KIF13B: variants seen among roughly 807,000 people sequenced by gnomAD.
KIF13B encodes kinesin-like protein KIF13B.
In KIF13B, 127 loss-of-function variants were observed where a neutral mutation model predicts 222.0. That is an observed-to-expected ratio of 0.57 (90% CI 0.50 to 0.66). The LOEUF is 0.66. Ranked by LOEUF, KIF13B falls within the 30% of genes least tolerant of loss-of-function variation. KIF13B has a pLI of 0.00. For synonymous variants in KIF13B, 976 were observed against 919.0 expected, an observed-to-expected ratio of 1.06 and a Z score of -1.12; for missense variants, 2,173 against 2,379.0, an observed-to-expected ratio of 0.91 and a Z score of 1.80.
Position 29,070,430 on chromosome 8 carries a change from C to A in KIF13B, c.*74G>T, listed in dbSNP as rs993017454. 3.0e-5 allele frequency: 47 copies of A among 1,544,416 alleles called. No individual in the cohort carries two copies. The highest frequency in any genetic ancestry group is 7.6e-5 in the Admixed American group (4 of 52,560). Reference sequence around the variant, plus strand: ...GGGGAAGGGGCCACCGGGCTCCTGGCTCCTCAGGGCTGTCACTGGCAGGGC... The same window carrying A: ...GGGGAAGGGGCCACCGGGCTCCTGGATCCTCAGGGCTGTCACTGGCAGGGC... On this transcript the variant is annotated 3_prime_UTR_variant, in exon 40 of 40. Transcript: ENST00000524189. This position sits in a 1 kb window ranked among gnomAD's most constrained non-coding sequence, Gnocchi z 4.1.
intron 37 of KIF13B, among the ~76,000 whole-genome samples, chr8:29,076,227 GCCCCTC>G (rs1322720855): frequency 3.9e-5 from 6 of 152,256 alleles, no homozygotes; most frequent in Admixed American, 2.0e-4. Flanking sequence ...TGCCACTTCT[GCCCCTC>G]CCCCTCCCCC....
intron 37 of KIF13B, among the ~76,000 whole-genome samples, chr8:29,085,073 C>T (rs115994582): frequency 0.033 from 5,077 of 152,304 alleles, 303 homozygotes; most frequent in African/African-American, 0.12. Flanking sequence ...TGTTTTTAAA[C>T]TTTCTGAATA....
chr8:29,154,606 G>A (rs1157365678), intron 14 of KIF13B, among the ~76,000 whole-genome samples: 2 of 152,198 alleles, frequency 1.3e-5, no homozygotes, highest in African/African-American at 4.8e-5. Context: ...TGCAACTGGT[G>A]AAGAAGTAGC....
chr8:29,231,158 G>A (rs899021447), intron 2 of KIF13B, among the ~76,000 whole-genome samples: 2 of 152,172 alleles, frequency 1.3e-5, no homozygotes, highest in African/African-American at 4.8e-5. Flanking sequence ...GGGACTGCAG[G>A]CATGAACCAC....
At chr8:29,103,961 G>A (rs751889413) in intron 35 of KIF13B, among the ~76,000 whole-genome samples, 74 of 152,066 alleles carry the variant, frequency 4.9e-4, no homozygotes, top group Admixed American at 4.7e-3. Context: ...GGCACACAAT[G>A]AGCCCTGCAG....
intron 1 of KIF13B, among the ~76,000 whole-genome samples, chr8:29,253,354 T>C (rs1421444345): frequency 6.7e-6 from 1 of 150,334 alleles, no homozygotes; most frequent in Non-Finnish European, 1.5e-5. Flanking sequence ...TGAAAACAAA[T>C]AAAATAATCC....
intron 35 of KIF13B, among the ~76,000 whole-genome samples, chr8:29,107,775 T>C (rs1002672474): frequency 2.0e-5 from 3 of 152,078 alleles, no homozygotes; most frequent in Non-Finnish European, 4.4e-5. Flanking sequence ...TTAGCCAGGA[T>C]GGTCTCGATC....
chr8:29,084,760 CTAAT>C (rs1375709264), intron 37 of KIF13B, among the ~76,000 whole-genome samples: 25 of 152,332 alleles, frequency 1.6e-4, no homozygotes, highest in Admixed American at 4.6e-4. Context: ...TTCAATCTAA[CTAAT>C]TAGAGAGCAG....
chr8:29,127,294 T>TA, intron 24 of KIF13B, 26 bp from the exon 25 acceptor site: 1 of 1,600,818 alleles, frequency 6.2e-7, no homozygotes, highest in Non-Finnish European at 8.5e-7. Flanking sequence ...TTTAGAGTCT[T>TA]AAAATCAGTG....
chr8:29,143,691 C>G (rs1032792839), intron 18 of KIF13B, among the ~76,000 whole-genome samples: 2 of 151,942 alleles, frequency 1.3e-5, no homozygotes, highest in African/African-American at 4.8e-5. Flanking sequence ...ACTAAAAATA[C>G]AAAAATTAGC....
chr8:29,202,902 T>C (rs1813762015), intron 2 of KIF13B, among the ~76,000 whole-genome samples: 1 of 151,940 alleles, frequency 6.6e-6, no homozygotes, highest in Non-Finnish European at 1.5e-5. Flanking sequence ...CCATTCCCCC[T>C]AGCAATTCTG....
rs868353564 is a variant in KIF13B, at chr8:29,140,587, G to T, written c.2365C>A (p.Pro789Thr). ...TGATTTTCCTGCTCATCATAGAATG[G>T]ATCAGCACGTTTGAAGTATGATCGT... The part of the protein sequence containing the change: ...VIRSYFKRAD[P>T]FYDEQENHSL... Residue 789 changes from proline to threonine, a missense_variant, in exon 20 of 40, where the codon CCA (proline) becomes ACA (threonine). Physicochemically the swap from Pro to Thr is conservative, Grantham distance 38 (BLOSUM62 -1). Around this residue, in one of 2 missense-constraint regions of KIF13B, gnomAD observed 1,480 missense variants for 1,722.8 expected, o/e 0.86. Transcript: ENST00000524189. 1 of 1,613,590 alleles carries T rather than the reference G, an allele frequency of 6.2e-7. No individual in the cohort carries two copies. The highest frequency in any genetic ancestry group is 1.3e-5 in the African/African-American group (1 of 75,004).
At chr8:29,247,188 C>G (rs891001628) in intron 1 of KIF13B, among the ~76,000 whole-genome samples, 1 of 152,010 alleles carries the variant, frequency 6.6e-6, no homozygotes, top group African/African-American at 2.4e-5. Flanking sequence ...AGTTCAAGAC[C>G]AGCCTGAGCA....
chr8:29,129,032 T>C (rs1333508156), intron 24 of KIF13B, among the ~76,000 whole-genome samples: 2 of 152,234 alleles, frequency 1.3e-5, no homozygotes, highest in South Asian at 4.1e-4. Context: ...TTATGGCCTC[T>C]GTGTCTTTAT....
chr8:29,229,366 T>C (rs549214812), intron 2 of KIF13B, among the ~76,000 whole-genome samples: 108 of 152,334 alleles, frequency 7.1e-4, no homozygotes, highest in African/African-American at 2.5e-3. Flanking sequence ...TTTCTGATCA[T>C]GTGACCCTGG....
At chr8:29,196,162 T>C (rs969772885) in intron 3 of KIF13B, 25 bp downstream of exon 3, 1 of 1,556,128 alleles carries the variant, frequency 6.4e-7, no homozygotes, top group African/African-American at 1.4e-5. Flanking sequence ...TTTACAAGCA[T>C]CACATAACAA....
chr8:29,107,686 G>A (rs1163207018), intron 35 of KIF13B, among the ~76,000 whole-genome samples: 6 of 150,188 alleles, frequency 4.0e-5, no homozygotes, highest in Non-Finnish European at 7.4e-5. Context: ...TTAGCCTCCC[G>A]AGTAGCTGGG....
At chr8:29,213,805 A>G (rs75735099) in intron 2 of KIF13B, among the ~76,000 whole-genome samples, 18,371 of 151,792 alleles carry the variant, frequency 0.12, 1,258 homozygotes, top group South Asian at 0.15. Context: ...AAAAAAAAAA[A>G]TAGCCAGGTG....
intron 8 of KIF13B, among the ~76,000 whole-genome samples, 189 bp downstream of exon 8, chr8:29,179,915 G>GCTTCCC (rs1812640322): frequency 6.6e-6 from 1 of 152,064 alleles, no homozygotes; most frequent in Non-Finnish European, 1.5e-5. Flanking sequence ...CAACAACCCT[G>GCTTCCC]GAATGACCTG....
Sources: gnomAD v4.1 joint callset for allele counts (sites outside exome capture counted in the v4.1 genomes callset) on GRCh38, gnomAD v4.1.1 for gene constraint, gnomAD v4.1.1 regional missense constraint, Gnocchi (gnomAD v3.1) non-coding constraint, MANE v1.5 for transcripts, NCBI Gene and HGNC (gene_info 2026-07-23, HGNC 2026-07-21) for gene names.